Variants in KIAA1549L observed in about 807,000 individuals in gnomAD.
KIAA1549L encodes the protein KIAA1549 like.
KIAA1549L carries 88 observed loss-of-function variants against 160.7 expected under a neutral mutation model. That is an observed-to-expected ratio of 0.55 (90% CI 0.46 to 0.65). KIAA1549L has a LOEUF of 0.65. KIAA1549L is among the 30% of genes least tolerant of loss of function. The pLI, the probability that KIAA1549L is intolerant of heterozygous loss-of-function variation, is 0.00. For synonymous variants in KIAA1549L, 950 were observed against 976.7 expected (o/e 0.97, Z 0.51); for missense variants, 2,258 against 2,437.5 (o/e 0.93, Z 1.55).
chr11:33,664,058 C>T (rs756027870), intron 20 of KIAA1549L, among the ~76,000 whole-genome samples: 1 of 152,196 alleles, frequency 6.6e-6, no homozygotes, highest in Non-Finnish European at 1.5e-5. Context: ...GACAGCCCAA[C>T]TCTGGTTTTC....
At chr11:33,403,282 G>GACACACACAGACACAGAC (rs1850550677) in intron 1 of KIAA1549L, 5 of 53,252 alleles carry the variant, frequency 9.4e-5, no homozygotes, top group Admixed American at 4.2e-4. Flanking sequence ...CACAGACACA[G>GACACACACAGACACAGAC]ACACACACAC....
intron 14 of KIAA1549L, among the ~76,000 whole-genome samples, chr11:33,608,926 G>A (rs1159769467): frequency 1.3e-5 from 2 of 152,152 alleles, no homozygotes; most frequent in Non-Finnish European, 2.9e-5. Flanking sequence ...GAAGCCATAC[G>A]TTTTTCTTTT....
chr11:33,585,393 CTGT>C (rs1228986728), intron 11 of KIAA1549L, among the ~76,000 whole-genome samples: 5 of 152,096 alleles, frequency 3.3e-5, no homozygotes, highest in Non-Finnish European at 7.3e-5. Context: ...TGGCGCACAC[CTGT>C]AATCCAAGCT....
chr11:33,519,251 A>G (rs1480491493), intron 1 of KIAA1549L, among the ~76,000 whole-genome samples: 1 of 152,178 alleles, frequency 6.6e-6, no homozygotes, highest in East Asian at 1.9e-4. Flanking sequence ...ATTATTCAAT[A>G]TTTCAATCCA....
chr11:33,605,177 TTTGTTTTGTTTTG>T (rs1400537554), intron 13 of KIAA1549L, among the ~76,000 whole-genome samples: 3 of 151,932 alleles, frequency 2.0e-5, no homozygotes, highest in African/African-American at 7.3e-5. Flanking sequence ...TTTGTTTTGT[TTTGTTTTGTTTTG>T]TTTTTTTACA....
At chr11:33,658,965 C>T (rs1852170516) in intron 19 of KIAA1549L, 67 bp downstream of exon 19, 1 of 1,451,100 alleles carries the variant, frequency 6.9e-7, no homozygotes, top group Admixed American at 2.4e-5. Context: ...CCCTCAAATC[C>T]CCAGTTCCAA....
At chr11:33,613,470 T>C (rs1376789104) in intron 15 of KIAA1549L, among the ~76,000 whole-genome samples, 2 of 152,180 alleles carry the variant, frequency 1.3e-5, no homozygotes, top group Non-Finnish European at 2.9e-5. Context: ...CTGCAGGCTG[T>C]GGAAGCAAAG....
chr11:33,433,246 A>AT (rs1370773900), intron 1 of KIAA1549L, among the ~76,000 whole-genome samples: 16 of 149,444 alleles, frequency 1.1e-4, no homozygotes, highest in Non-Finnish European at 1.7e-4. Flanking sequence ...ACAAAAACAT[A>AT]TTTACAAGAA....
At chr11:33,627,612 A>G (rs931808532) in intron 16 of KIAA1549L, among the ~76,000 whole-genome samples, 5 of 151,938 alleles carry the variant, frequency 3.3e-5, no homozygotes, top group African/African-American at 1.2e-4. Context: ...TATCCCCTTT[A>G]TCATTTTTTA....
chr11:33,445,415 G>A (rs1295860005), intron 1 of KIAA1549L, among the ~76,000 whole-genome samples: 2 of 152,170 alleles, frequency 1.3e-5, no homozygotes, highest in African/African-American at 4.8e-5. Flanking sequence ...AGACAAGCTG[G>A]CTAATATCAA....
chr11:33,506,163 C>T (rs1853081782), intron 1 of KIAA1549L, among the ~76,000 whole-genome samples: 1 of 152,114 alleles, frequency 6.6e-6, no homozygotes, highest in South Asian at 2.1e-4. Flanking sequence ...TGGTAGATAC[C>T]TTAGGTTCTG....
chr11:33,387,410 A>G (rs1437711381), intron 1 of KIAA1549L, among the ~76,000 whole-genome samples: 2 of 151,982 alleles, frequency 1.3e-5, no homozygotes, highest in Non-Finnish European at 2.9e-5. Flanking sequence ...GGTTCAAGCA[A>G]TTCTCCTGCC....
chr11:33,577,476 A>G, intron 10 of KIAA1549L, among the ~76,000 whole-genome samples: 1 of 152,184 alleles, frequency 6.6e-6, no homozygotes, highest in East Asian at 1.9e-4. Flanking sequence ...AAAATCTGTC[A>G]ATGAATGAGG....
chr11:33,403,224 C>CAG (rs1850539742), intron 1 of KIAA1549L: 1 of 79,930 alleles, frequency 1.3e-5, no homozygotes, highest in African/African-American at 4.6e-5. Flanking sequence ...CACATGCAGA[C>CAG]ACAGACACAA....
chr11:33,607,441 G>C (rs1387219321), intron 14 of KIAA1549L, among the ~76,000 whole-genome samples: 2 of 152,226 alleles, frequency 1.3e-5, no homozygotes, highest in Non-Finnish European at 2.9e-5. Flanking sequence ...ATAGATGCCA[G>C]AAGTTAGGTA....
intron 1 of KIAA1549L, among the ~76,000 whole-genome samples, chr11:33,390,478 GC>G (rs2134046674): frequency 6.6e-6 from 1 of 152,236 alleles, no homozygotes; most frequent in East Asian, 1.9e-4. Flanking sequence ...TAGTTTAAAC[GC>G]CCACCATCAA....
chr11:33,624,306 G>C (rs1367199486), intron 16 of KIAA1549L, among the ~76,000 whole-genome samples: 1 of 152,200 alleles, frequency 6.6e-6, no homozygotes, highest in Non-Finnish European at 1.5e-5. Flanking sequence ...AGCTGGCAGT[G>C]TGCCCAGCAG....
In KIAA1549L at chr11:33,404,396, C is replaced by T. The variant is rs138495883; in HGVS notation, c.238+27507C>T. Among the ~76,000 whole-genome samples the T allele has an allele frequency of 9.2e-5, 14 of 152,106 alleles. No individual in the cohort carries two copies. The East Asian group carries it at 1.2e-3, about 13-fold the overall frequency. On this transcript the variant is annotated intron_variant, in intron 1 of 20. Coordinates refer to ENST00000658780, the MANE Select transcript of KIAA1549L (RefSeq NM_012194.3). The stretch of plus-strand genomic sequence containing the variant: ...AAAATTAGCCAGGCGTGGTGGCAGG[C>T]GCCCGTAATCCCAGCCACGTGGGAG...
At chr11:33,388,342 G>A (rs548155550) in intron 1 of KIAA1549L, among the ~76,000 whole-genome samples, 3 of 151,996 alleles carry the variant, frequency 2.0e-5, no homozygotes, top group East Asian at 3.9e-4. Context: ...GAAGAATAGC[G>A]TAGGGGTAAC....
Sources: allele counts gnomAD v4.1 joint callset (sites outside exome capture counted in the v4.1 genomes callset), GRCh38; gene constraint gnomAD v4.1.1; transcripts MANE v1.5; gene names NCBI Gene and HGNC (gene_info 2026-07-23, HGNC 2026-07-21).